Variants in CCZ1B observed in about 807,000 individuals in gnomAD.
CCZ1B encodes CCZ1B vacuolar protein trafficking and biogenesis associated.
CCZ1B carries 25 observed loss-of-function variants against 58.8 expected under a neutral mutation model. The observed-to-expected ratio is 0.43, with a 90% CI of 0.31 to 0.59. The LOEUF (loss-of-function observed/expected upper bound fraction) is 0.59, where lower values mean the gene tolerates loss of function less well. Among genes scored for constraint, CCZ1B ranks in the 20% least tolerant of loss-of-function variants. The pLI, the probability that CCZ1B is intolerant of heterozygous loss-of-function variation, is 0.12. For synonymous variants in CCZ1B, 66 were observed against 173.2 expected (o/e 0.38, Z 4.86); for missense variants, 180 against 501.5 (o/e 0.36, Z 6.12).
At chr7:6,825,757 T>C (rs1393366887) in intron 1 of CCZ1B, among the ~76,000 whole-genome samples, 1 of 124,134 alleles carries the variant, frequency 8.1e-6, no homozygotes, top group Non-Finnish European at 1.7e-5. Flanking sequence ...TCTGCCACCC[T>C]GGTTCCACGC....
At chr7:6,815,769 A>G (rs201220621) in intron 7 of CCZ1B, among the ~76,000 whole-genome samples, 2 of 149,348 alleles carry the variant, frequency 1.3e-5, no homozygotes, top group East Asian at 3.9e-4. Context: ...ATGAAAAAAA[A>G]AGTCACAAGG....
At position 6,819,954 on chromosome 7, in the gene CCZ1B, A is replaced by C. The variant is rs1425991426; in HGVS notation, c.523-13T>G. On this transcript the variant is annotated splice_polypyrimidine_tract_variant and intron_variant, in intron 6 of 14. Coordinates refer to ENST00000316731, the MANE Select transcript of CCZ1B (RefSeq NM_198097.5). The stretch of plus-strand genomic sequence containing the variant: ...GCGTTTGCAAATACTGTGGAAAAAA[A>C]ATAAGGCATAAAATTTACTAATAGT... 1.1e-4 allele frequency: 170 copies of C among 1,606,384 alleles called. 11 individuals are homozygous for C. Among genetic ancestry groups the C allele is most frequent in the Non-Finnish European group, 1.4e-4 (163 of 1,176,902 alleles).
Position 6,824,464 on chromosome 7 carries a change from C to A in CCZ1B, c.303G>T (p.Trp101Cys), listed in dbSNP as rs1377705598. 4 of 1,605,370 alleles carry A rather than the reference C, an allele frequency of 2.5e-6. No homozygotes were observed. Among genetic ancestry groups the A allele is most frequent in the Non-Finnish European group, 3.4e-6 (4 of 1,177,402 alleles). The change falls in exon 3 of 15, where the codon TGG becomes TGT. Residue 101 changes from tryptophan to cysteine, a missense_variant. Trp to Cys is a radical substitution (Grantham distance 215, BLOSUM62 -2). Coordinates refer to ENST00000316731, the MANE Select transcript of CCZ1B (RefSeq NM_198097.5). ...QFFNEPEENFWMVMVVRNPII... is the reference protein window; with the variant it reads ...QFFNEPEENFCMVMVVRNPII... ...CTGTGTGTGTAAATACCATGACCAT[C>A]CAGAAATTTTCTTCTGGTTCATTGA...
chr7:6,818,639 AAGAAAGAAAGAC>A (rs1189856628), intron 7 of CCZ1B, among the ~76,000 whole-genome samples: 2 of 141,260 alleles, frequency 1.4e-5, no homozygotes, highest in African/African-American at 2.7e-5. Flanking sequence ...AAAGACAAGA[AAGAAAGAAAGAC>A]AGAAAGAAAG....
At chr7:6,803,868 G>A (rs1371641859) in intron 12 of CCZ1B, among the ~76,000 whole-genome samples, 2 of 150,424 alleles carry the variant, frequency 1.3e-5, no homozygotes, top group African/African-American at 4.9e-5. Flanking sequence ...AGAATCGCTT[G>A]AACCTGGGAG....
rs201245639 is a variant in CCZ1B, at chr7:6,823,306, C to T, written c.438+7G>A. ...GACTCTGAGTTGAGAAAGAACGCCA[C>T]GCTTACCTTGTACATGCTGTAGCAC... On this transcript the variant is annotated splice_region_variant and intron_variant, in intron 5 of 14. Transcript: ENST00000316731. 55 of 1,606,026 alleles carry T rather than the reference C, an allele frequency of 3.4e-5. 1 individual carries two copies. The highest frequency in any genetic ancestry group is 8.3e-5 in the African/African-American group (6 of 71,966).
At chr7:6,812,178 A>G (rs557474162) in intron 9 of CCZ1B, 115 bp from the exon 10 acceptor site, 2 of 1,186,894 alleles carry the variant, frequency 1.7e-6, no homozygotes, top group Non-Finnish European at 2.5e-6. Context: ...GCCAGCTGCT[A>G]TTTGGCAAAC....
At chr7:6,802,178 CCAGTGGACATCACTGTAAAACG>C (rs1782778352) in intron 12 of CCZ1B, among the ~76,000 whole-genome samples, 1 of 101,914 alleles carries the variant, frequency 9.8e-6, no homozygotes, top group South Asian at 8.4e-4. Flanking sequence ...CATATCATCC[CCAGTGGACATCACTGTAAAACG>C]CAGTCGCCTT....
At chr7:6,800,429 A>C (rs1204561466) in intron 14 of CCZ1B, among the ~76,000 whole-genome samples, 6 of 142,218 alleles carry the variant, frequency 4.2e-5, no homozygotes, top group African/African-American at 1.6e-4. Context: ...GGGAGGCCAG[A>C]GGATCACTTG....
intron 1 of CCZ1B, 132 bp downstream of exon 1, chr7:6,825,946 C>T (rs1182112523): frequency 5.2e-6 from 2 of 386,436 alleles, no homozygotes; most frequent in East Asian, 4.1e-5. Context: ...GTCCCCGCCG[C>T]AGCCCCCTGC....
chr7:6,800,734 ATT>A (rs1398850242), intron 14 of CCZ1B, among the ~76,000 whole-genome samples: 1 of 141,638 alleles, frequency 7.1e-6, no homozygotes, highest in Admixed American at 7.2e-5. Flanking sequence ...GTAGAAAATA[ATT>A]TTCTTTCTGC....
intron 6 of CCZ1B, among the ~76,000 whole-genome samples, chr7:6,820,653 G>A (rs1238595934): frequency 6.7e-6 from 1 of 148,792 alleles, no homozygotes; most frequent in Admixed American, 6.7e-5. Flanking sequence ...CAGGCACAGC[G>A]GCTCGCGCCT....
At chr7:6,820,750 C>T (rs1472158838) in intron 6 of CCZ1B, among the ~76,000 whole-genome samples, 10 of 148,616 alleles carry the variant, frequency 6.7e-5, no homozygotes, top group African/African-American at 2.0e-4. Context: ...GGCAAAACCC[C>T]GTCTCTAATA....
At position 6,824,151 on chromosome 7, in the gene CCZ1B, T is replaced by C. The variant is rs1783158597; in HGVS notation, c.328A>G (p.Ile110Val). 3.4e-6 allele frequency: 5 copies of C among 1,468,584 alleles called. No individual in the cohort carries two copies. Among genetic ancestry groups the C allele is most frequent in the African/African-American group, 3.0e-5 (2 of 66,458 alleles). 91.0% of individuals were successfully genotyped at this position (1,468,584 alleles called of 1,614,324 possible). A position where few individuals can be genotyped will look rare whatever the true frequency, so the allele number is the denominator to read the frequency against. Residue 110 changes from isoleucine (I) to valine (V), a missense_variant, in exon 4 of 15, where the codon ATA becomes GTA. Transcript: ENST00000316731. Reference protein sequence around the residue: ...FWMVMVVRNPIIEKQSKDGKP... With the variant: ...FWMVMVVRNPVIEKQSKDGKP... ...CCATCTTTACTCTGTTTTTCAATTA[T>C]AGGATTCCGAACAACCTACAAAGTT... is the stretch of plus-strand genomic sequence containing the variant.
intron 10 of CCZ1B, among the ~76,000 whole-genome samples, chr7:6,809,875 AC>A (rs1167294066): frequency 6.9e-6 from 1 of 145,682 alleles, no homozygotes. Flanking sequence ...ACCGTCTCAC[AC>A]ATGAGAACTA....
rs867687362 is a variant in CCZ1B, at chr7:6,810,069, T to C, written c.954+1883A>G. 2.1e-4 allele frequency among the ~76,000 whole-genome samples: 31 copies of C among 150,934 alleles called. 1 individual carries two copies. The South Asian group carries it at 3.6e-3, about 17-fold the overall frequency. Reference sequence around the variant, plus strand: ...CTCTGTTGCCCAGACTGGAGCACAGTGGCGTAAGCTCAGCTCACTGCAACC... The same window carrying C: ...CTCTGTTGCCCAGACTGGAGCACAGCGGCGTAAGCTCAGCTCACTGCAACC... On this transcript the variant is annotated intron_variant, in intron 10 of 14. Transcript: ENST00000316731.
rs1408251435 is a variant in CCZ1B at position 6,818,633 on chromosome 7, AC to A, written c.698+1132del. Among the ~76,000 whole-genome samples the A allele has an allele frequency of 3.3e-3, 454 of 136,380 alleles. 11 individuals are homozygous for A. The highest frequency in any genetic ancestry group is 0.012 in the African/African-American group (409 of 34,592). 89.5% of individuals were successfully genotyped at this position (136,380 alleles called of 152,430 possible). On this transcript the variant is annotated intron_variant, in intron 7 of 14. Coordinates refer to ENST00000316731, the MANE Select transcript of CCZ1B (RefSeq NM_198097.5). ...AAAGAAAGACAAGAAAGAAAGAAAG[AC>A]AAGAAAGAAAGAAAGACAGAAAGAA...
chr7:6,808,302 T>A (rs1273836023), intron 10 of CCZ1B, among the ~76,000 whole-genome samples: 1 of 119,986 alleles, frequency 8.3e-6, no homozygotes, highest in Non-Finnish European at 1.8e-5. Context: ...AAACACTCAC[T>A]GGGCTGTCCA....
At chr7:6,822,128 C>A (rs1330896661) in intron 6 of CCZ1B, among the ~76,000 whole-genome samples, 153 bp downstream of exon 6, 4 of 149,682 alleles carry the variant, frequency 2.7e-5, no homozygotes, top group African/African-American at 1.0e-4. Context: ...TGCGTTTCCT[C>A]GCTGCTCCAG....
Sources: allele counts gnomAD v4.1 joint callset (sites outside exome capture counted in the v4.1 genomes callset), GRCh38; gene constraint gnomAD v4.1.1; transcripts MANE v1.5; gene names NCBI Gene and HGNC (gene_info 2026-07-23, HGNC 2026-07-21).